EXOSC9: variants seen among roughly 807,000 people sequenced by gnomAD.
The protein encoded by EXOSC9 is exosome complex component RRP45.
EXOSC9 carries 38 observed loss-of-function variants against 56.5 expected under a neutral mutation model. That is an observed-to-expected ratio of 0.67 (90% CI 0.52 to 0.88). The LOEUF (loss-of-function observed/expected upper bound fraction) is 0.88. Ranked by LOEUF, EXOSC9 falls within the 40% of genes least tolerant of loss-of-function variation. The pLI, the probability that EXOSC9 is intolerant of heterozygous loss-of-function variation, is 0.00. For missense variants in EXOSC9, 559 were observed against 530.5 expected (o/e 1.05, Z -0.53); for synonymous variants, 170 against 170.8 (o/e 0.99, Z 0.04).
intron 6 of EXOSC9, among the ~76,000 whole-genome samples, chr4:121,808,234 T>C (rs1015111155): frequency 2.0e-5 from 3 of 148,836 alleles, no homozygotes; most frequent in Non-Finnish European, 3.0e-5. Context: ...TTTCACACAG[T>C]GTTGTGCACA....
chr4:121,811,778 T>C (rs1258758621), intron 8 of EXOSC9, 107 bp downstream of exon 8: 13 of 503,786 alleles, frequency 2.6e-5, no homozygotes, highest in Non-Finnish European at 4.5e-5. Context: ...TGATTTCACA[T>C]ACAAAGTTAG....
chr4:121,801,544 G>A, intron 1 of EXOSC9, 54 bp downstream of exon 1: 2 of 1,545,810 alleles, frequency 1.3e-6, no homozygotes, highest in Non-Finnish European at 1.8e-6. Context: ...GGGTCTCAAG[G>A]TGTGGACTGA....
At chr4:121,813,195 C>T in intron 8 of EXOSC9, 39 bp from the exon 9 acceptor site, 2 of 1,570,574 alleles carry the variant, frequency 1.3e-6, no homozygotes, top group Non-Finnish European at 8.6e-7. Context: ...TGTTACCTTC[C>T]TCCCCCTTCC....
rs111290728 is a variant in EXOSC9 at position 121,813,134 on chromosome 4, C to T, written c.828-100C>T. ...TAACTCTCTTCCAATATTTTTCATC[C>T]ACCAAAGGATAAAATAATAGTTTTT... On this transcript the variant is annotated intron_variant, in intron 8 of 11. Coordinates refer to ENST00000243498, the MANE Select transcript of EXOSC9 (RefSeq NM_005033.3). The T allele has an allele frequency of 1.0e-3, 1,154 of 1,111,398 alleles. 6 individuals carry two copies. In the African/African-American group the frequency reaches 0.017, roughly 16 times the overall value. 68.8% of individuals were successfully genotyped at this position (1,111,398 alleles called of 1,614,324 possible).
chr4:121,816,563 T>TTC (rs1358452988), intron 11 of EXOSC9, 116 bp downstream of exon 11: 2 of 817,856 alleles, frequency 2.4e-6, no homozygotes, highest in Non-Finnish European at 3.8e-6. Context: ...ACATCCCTTT[T>TTC]TCATTAGAGA....
chr4:121,810,152 CT>C, intron 7 of EXOSC9, 53 bp downstream of exon 7: 1 of 1,521,968 alleles, frequency 6.6e-7, no homozygotes, highest in Non-Finnish European at 9.1e-7. Flanking sequence ...TCTTTAGATG[CT>C]TTTTCTTGTC....
In EXOSC9 at chr4:121,811,629, C is replaced by T. The variant is rs760066798; in HGVS notation, c.785C>T (p.Thr262Ile). ...GCTGGTGTGAAAGTAGCAGAAATTA[C>T]AGAGCTAATATTGAAAGCTTTGGAG... ...KIAGVKVAEITELILKALEND... is the reference protein window; with the variant it reads ...KIAGVKVAEIIELILKALEND... The change falls in exon 8 of 12, where the codon ACA (threonine) becomes ATA (isoleucine). Residue 262 changes from threonine to isoleucine, a missense_variant. Coordinates refer to ENST00000243498, the MANE Select transcript of EXOSC9 (RefSeq NM_005033.3). 3.1e-6 allele frequency: 5 copies of T among 1,592,796 alleles called. No homozygotes were observed. Among genetic ancestry groups the T allele is most frequent in the Non-Finnish European group, 2.6e-6 (3 of 1,169,564 alleles).
chr4:121,802,685 A>G lies in EXOSC9; in HGVS notation c.173A>G (p.Gln58Arg), dbSNP rs768712413. 4 of 1,614,032 alleles carry G rather than the reference A, an allele frequency of 2.5e-6. 1 individual carries two copies. In the South Asian group the frequency reaches 4.4e-5, roughly 18 times the overall value. ...VELGKTRVLG[Q>R]VSCELVSPKL... ...CTTTATCTTTGCAGAGTTCTTGGAC[A>G]GGTTTCCTGTGAACTTGTGTCTCCA... is the stretch of plus-strand genomic sequence containing the variant. Residue 58 changes from glutamine to arginine, a missense_variant, in exon 3 of 12, where the codon CAG (glutamine) becomes CGG (arginine). Physicochemically the swap from Gln to Arg is conservative, Grantham distance 43. Coordinates refer to ENST00000243498, the MANE Select transcript of EXOSC9 (RefSeq NM_005033.3).
chr4:121,805,694 G>C (rs1726997702), intron 5 of EXOSC9, among the ~76,000 whole-genome samples: 1 of 152,134 alleles, frequency 6.6e-6, no homozygotes, highest in Admixed American at 6.5e-5. Context: ...ATTGCTAGTG[G>C]GAATGTAAAA....
intron 3 of EXOSC9, 60 bp from the exon 4 acceptor site, chr4:121,802,855 T>G: frequency 1.2e-6 from 2 of 1,611,418 alleles, no homozygotes; most frequent in South Asian, 2.2e-5. Flanking sequence ...AGTGAGCTTT[T>G]GTTTTAATAC....
In EXOSC9 at chr4:121,816,766, T is replaced by G. The variant is rs749522181; in HGVS notation, c.1236-6T>G. Reference sequence around the variant, plus strand: ...TTAGTAAATTCTTACTTTGCTTTATTCACAGAACACAGACCACCAGTGCAA... The same window carrying G: ...TTAGTAAATTCTTACTTTGCTTTATGCACAGAACACAGACCACCAGTGCAA... On this transcript the variant is annotated splice_polypyrimidine_tract_variant and splice_region_variant and intron_variant, in intron 11 of 11. Transcript: ENST00000243498. The G allele has an allele frequency of 1.3e-5, 20 of 1,576,188 alleles. No homozygotes were observed. The highest frequency in any genetic ancestry group is 1.6e-5 in the Non-Finnish European group (19 of 1,166,670).
intron 5 of EXOSC9, among the ~76,000 whole-genome samples, chr4:121,805,803 T>C (rs1037860851): frequency 4.1e-5 from 3 of 73,920 alleles, no homozygotes; most frequent in African/African-American, 9.8e-5. Flanking sequence ...ATTCTTTTTT[T>C]TTTTTCTTTT....
intron 5 of EXOSC9, among the ~76,000 whole-genome samples, chr4:121,806,482 T>C (rs1233908333): frequency 6.8e-6 from 1 of 146,686 alleles, no homozygotes; most frequent in African/African-American, 2.5e-5. Flanking sequence ...GGCTTAAAAT[T>C]AGAAAAAAAA....
At chr4:121,801,659 T>G in intron 1 of EXOSC9, 168 bp from the exon 2 acceptor site, 1 of 783,370 alleles carries the variant, frequency 1.3e-6, no homozygotes, top group Non-Finnish European at 2.2e-6. Context: ...TTTTCAAGGC[T>G]CCAGTCACCG....
intron 10 of EXOSC9, chr4:121,815,849 C>CAAATTGT: frequency 9.1e-7 from 1 of 1,096,090 alleles, no homozygotes; most frequent in Non-Finnish European, 1.1e-6. Flanking sequence ...TGACATGTAC[C>CAAATTGT]AAATTGTCAC....
chr4:121,804,325 G>C (rs1726957536), intron 4 of EXOSC9, among the ~76,000 whole-genome samples: 1 of 152,066 alleles, frequency 6.6e-6, no homozygotes, highest in East Asian at 1.9e-4. Context: ...AGAGTTTGTG[G>C]TTTTTAACAG....
chr4:121,806,728 A>C (rs535434588), intron 5 of EXOSC9, among the ~76,000 whole-genome samples: 3 of 152,218 alleles, frequency 2.0e-5, no homozygotes, highest in Non-Finnish European at 4.4e-5. Flanking sequence ...AAACATGCTA[A>C]GTTGAAAGAA....
rs1314485683 is a variant in EXOSC9, at chr4:121,811,686, C to T, written c.827+15C>T. On this transcript the variant is annotated intron_variant, in intron 8 of 11. Transcript: ENST00000243498. ...CAAAAAGTAAGGTAAGTAACTTTTC[C>T]AGAACTAAGTGGTCTTTTATTTTCA... 3.1e-6 allele frequency: 4 copies of T among 1,311,350 alleles called. No homozygotes were observed. Among genetic ancestry groups the T allele is most frequent in the Non-Finnish European group, 4.2e-6 (4 of 941,922 alleles). The allele number at this position is 1,311,350 out of a possible 1,614,324, so 81.2% of individuals were successfully genotyped here.
chr4:121,813,164 C>T, intron 8 of EXOSC9, 70 bp from the exon 9 acceptor site: 13 of 1,399,090 alleles, frequency 9.3e-6, no homozygotes, highest in African/African-American at 4.4e-5. Flanking sequence ...GTTTTTTTCC[C>T]TTCCTGTCTT....
Sources: gnomAD v4.1 joint callset for allele counts (sites outside exome capture counted in the v4.1 genomes callset) on GRCh38, gnomAD v4.1.1 for gene constraint, MANE v1.5 for transcripts, NCBI Gene and HGNC (gene_info 2026-07-23, HGNC 2026-07-21) for gene names.